CFAP47: variants seen among roughly 807,000 people sequenced by gnomAD.
CFAP47 encodes cilia- and flagella-associated protein 47.
Under a neutral mutation model 148.1 loss-of-function variants are expected in CFAP47, and 29 were observed. That is an observed-to-expected ratio of 0.20 (90% confidence interval 0.15 to 0.27). The LOEUF is 0.27. Among genes scored for constraint, CFAP47 ranks in the 10% least tolerant of loss-of-function variants. CFAP47 has a pLI of 1.00. For missense variants in CFAP47, 1,872 were observed against 1,697.5 expected (o/e 1.10, Z -1.81); for synonymous variants, 664 against 577.3 (o/e 1.15, Z -2.15).
At position 36,255,850 on chromosome X, in the gene CFAP47, T is replaced by TC. The variant is rs201152834; in HGVS notation, c.7444+4407dup. 7.2e-3 allele frequency among the ~76,000 whole-genome samples: 809 copies of TC among 111,766 alleles called. 12 individuals are homozygous for TC. Among genetic ancestry groups the TC allele is most frequent in the African/African-American group, 0.024 (739 of 30,732 alleles). On this transcript the variant is annotated intron_variant, in intron 49 of 63. Coordinates refer to ENST00000378653, the MANE Select transcript of CFAP47 (RefSeq NM_001304548.2). ...TTAGGAATGAAAGCCTAGTTCTATC[T>TC]CGACTTCAAAGTTATCTTTTTATGT...
At position 36,105,825 on chromosome X, in the gene CFAP47, G is replaced by A. The variant is rs750645273; in HGVS notation, c.5320+1134G>A. 7.1e-5 allele frequency among the ~76,000 whole-genome samples: 8 copies of A among 112,428 alleles called. No individual in the cohort carries two copies. The East Asian group carries it at 1.1e-3, about 16-fold the overall frequency. ...ATATGTGCATGTATTAAAAATTAAC[G>A]TGTTAATTTGTTATAAAAGTATTAT... On this transcript the variant is annotated intron_variant, in intron 33 of 63. Coordinates refer to ENST00000378653, the MANE Select transcript of CFAP47 (RefSeq NM_001304548.2).
intron 50 of CFAP47, among the ~76,000 whole-genome samples, chrX:36,282,519 T>A (rs939187573): frequency 1.8e-5 from 2 of 111,610 alleles, no homozygotes; most frequent in Non-Finnish European, 3.8e-5. Context: ...GTATCCCTGA[T>A]TCTTCAGACA....
intron 42 of CFAP47, among the ~76,000 whole-genome samples, chrX:36,198,172 G>A (rs1172020812): frequency 3.6e-5 from 4 of 111,345 alleles, no homozygotes; most frequent in African/African-American, 6.5e-5. Context: ...GCCCTAGGTA[G>A]TCAGGATGCA....
intron 2 of CFAP47, among the ~76,000 whole-genome samples, chrX:35,931,168 T>C (rs894578197): frequency 1.8e-4 from 20 of 111,200 alleles, no homozygotes; most frequent in African/African-American, 6.5e-4. Context: ...AGTTTCTCTT[T>C]GACTCCTGGA....
At chrX:36,348,352 G>A in intron 58 of CFAP47, 64 bp downstream of exon 58, 1 of 624,554 alleles carries the variant, frequency 1.6e-6, no homozygotes, top group East Asian at 4.8e-5. Context: ...GACATGCTAG[G>A]TTTCTTTTAC....
At chrX:36,345,254 A>G (rs1941687497) in intron 57 of CFAP47, among the ~76,000 whole-genome samples, 1 of 111,688 alleles carries the variant, frequency 9.0e-6, no homozygotes, top group South Asian at 3.8e-4. Context: ...GTTTGTTTAG[A>G]TCAGCAGTCC....
Position 36,144,467 on chromosome X carries a change from A to G in CFAP47, c.5536-752A>G, listed in dbSNP as rs1270290037. ...TTTACTATGCTTTTCCTCTTTTTAT[A>G]TTTTTATCTATTATCTTATTTGATG... is the stretch of plus-strand genomic sequence containing the variant. On this transcript the variant is annotated intron_variant, in intron 35 of 63. Coordinates refer to ENST00000378653, the MANE Select transcript of CFAP47 (RefSeq NM_001304548.2). 1.2e-5 allele frequency: 10 copies of G among 849,483 alleles called. No individual in the cohort carries two copies. The East Asian group carries it at 6.9e-4, about 58-fold the overall frequency. 70.0% of individuals were successfully genotyped at this position (849,483 alleles called of 1,213,427 possible).
chrX:36,155,930 A>C (rs1468231792), intron 37 of CFAP47, among the ~76,000 whole-genome samples: 3 of 111,443 alleles, frequency 2.7e-5, no homozygotes, highest in Non-Finnish European at 5.7e-5. Flanking sequence ...GATATAAATC[A>C]ATAATTATTT....
intron 37 of CFAP47, 136 bp downstream of exon 37, chrX:36,149,359 A>G (rs1022676818): frequency 1.1e-5 from 3 of 263,236 alleles, no homozygotes; most frequent in Non-Finnish European, 2.0e-5. Flanking sequence ...TCAGACAAAT[A>G]TTCGTATGTT....
At position 36,043,729 on chromosome X, in the gene CFAP47, G is replaced by A. The variant is rs766432506; in HGVS notation, c.4008-3125G>A. Among the ~76,000 whole-genome samples the A allele has an allele frequency of 5.4e-5, 6 of 112,119 alleles. No individual in the cohort carries two copies. The East Asian group carries it at 1.7e-3, about 32-fold the overall frequency. ...TGTTGAGTGCAGGCAACTTTTCTAGGCACATGGTGCAAGCTGTTGGTGGTT... is the reference window on the plus strand; with the variant it reads ...TGTTGAGTGCAGGCAACTTTTCTAGACACATGGTGCAAGCTGTTGGTGGTT... On this transcript the variant is annotated intron_variant, in intron 25 of 63. Transcript: ENST00000378653.
chrX:35,998,335 G>A (rs1455521523), intron 19 of CFAP47, among the ~76,000 whole-genome samples: 7 of 111,116 alleles, frequency 6.3e-5, no homozygotes, highest in African/African-American at 1.3e-4. Flanking sequence ...TCTTGCCAGC[G>A]CTTTAGTGTT....
At chrX:36,372,917 G>T (rs931101616) in intron 62 of CFAP47, among the ~76,000 whole-genome samples, 1 of 111,425 alleles carries the variant, frequency 9.0e-6, no homozygotes, top group African/African-American at 3.3e-5. Context: ...CTGTTCTATT[G>T]ACCTATGTGT....
intron 48 of CFAP47, among the ~76,000 whole-genome samples, chrX:36,239,573 G>T (rs996345005): frequency 8.9e-6 from 1 of 112,097 alleles, no homozygotes; most frequent in African/African-American, 3.2e-5. Flanking sequence ...CTCAGAGTTT[G>T]CTCTGATGGA....
intron 49 of CFAP47, among the ~76,000 whole-genome samples, chrX:36,265,679 C>T (rs1199896760): frequency 8.9e-6 from 1 of 111,765 alleles, no homozygotes; most frequent in East Asian, 2.8e-4. Flanking sequence ...TCTTGCCATC[C>T]AGATTTTGAA....
chrX:36,211,359 G>T, intron 45 of CFAP47: 1 of 252,691 alleles, frequency 4.0e-6, no homozygotes. Context: ...CCTACTTAAA[G>T]GGGAGACAAA....
At chrX:36,220,540 G>A (rs1940203913) in intron 45 of CFAP47, among the ~76,000 whole-genome samples, 1 of 110,560 alleles carries the variant, frequency 9.0e-6, no homozygotes, top group African/African-American at 3.3e-5. Context: ...TTAATAGGTA[G>A]ATGCTTGTTT....
chrX:36,226,858 C>T (rs1446052138), intron 45 of CFAP47, among the ~76,000 whole-genome samples: 2 of 111,389 alleles, frequency 1.8e-5, no homozygotes, highest in Non-Finnish European at 3.8e-5. Context: ...CATTAAATAG[C>T]AAGAGGTTTT....
At chrX:36,029,774 G>A (rs1265143395) in intron 22 of CFAP47, among the ~76,000 whole-genome samples, 5 of 109,169 alleles carry the variant, frequency 4.6e-5, no homozygotes, top group Non-Finnish European at 9.6e-5. Flanking sequence ...ATTATCTTAG[G>A]CAGTCTCTCT....
intron 49 of CFAP47, among the ~76,000 whole-genome samples, chrX:36,255,359 G>C (rs782690456): frequency 8.9e-6 from 1 of 112,531 alleles, no homozygotes; most frequent in African/African-American, 3.2e-5. Context: ...ATGTTTAGCA[G>C]AGGTAGAAAC....
Sources: allele counts gnomAD v4.1 joint callset (sites outside exome capture counted in the v4.1 genomes callset), GRCh38; gene constraint gnomAD v4.1.1; transcripts MANE v1.5; gene names NCBI Gene and HGNC (gene_info 2026-07-23, HGNC 2026-07-21).